The following FOXN3 variants were observed in gnomAD, a reference collection of about 807,000 sequenced individuals.
FOXN3 encodes the protein forkhead box protein N3.
A neutral mutation model predicts 38.4 loss-of-function variants in FOXN3; 7 were observed. The observed-to-expected ratio is 0.18, with a 90% CI of 0.10 to 0.34. FOXN3 has a LOEUF of 0.34. FOXN3 is among the 10% of genes least tolerant of loss of function. The pLI is 1.00. For missense variants in FOXN3, 456 were observed against 613.4 expected (o/e 0.74, Z 2.71); for synonymous variants, 230 against 242.2 (o/e 0.95, Z 0.47).
rs960219022 is a variant in FOXN3, at chr14:89,164,574, T to A, written c.852-1605A>T. Among the ~76,000 whole-genome samples the A allele has an allele frequency of 3.7e-4, 56 of 152,186 alleles. No homozygotes were observed. The highest frequency in any genetic ancestry group is 1.4e-3 in the African/African-American group (56 of 41,448). ...GCTCCATGAGACAGGGTGTGGTTAC[T>A]GCTAGGCCCCCAGTGGCTATCGCCG... On this transcript the variant is annotated intron_variant, in intron 5 of 5. Transcript: ENST00000557258. This position sits in a 1 kb window ranked among gnomAD's most constrained non-coding sequence, Gnocchi z 4.3.
intron 1 of FOXN3, among the ~76,000 whole-genome samples, chr14:89,522,054 C>G (rs1363658543): frequency 1.3e-5 from 2 of 150,508 alleles, no homozygotes; most frequent in African/African-American, 2.4e-5. Context: ...AGAAAACTAA[C>G]AGCAAAGATA....
chr14:89,540,007 G>A (rs1455853230), intron 1 of FOXN3, among the ~76,000 whole-genome samples: 1 of 152,180 alleles, frequency 6.6e-6, no homozygotes, highest in African/African-American at 2.4e-5. Flanking sequence ...GCCCTCGGCT[G>A]TTTCTACTTT....
At chr14:89,556,918 G>A (rs1445222607) in intron 1 of FOXN3, among the ~76,000 whole-genome samples, 1 of 152,168 alleles carries the variant, frequency 6.6e-6, no homozygotes, top group East Asian at 1.9e-4. Flanking sequence ...TATGGATGAT[G>A]GGGGCAAAAA....
intron 4 of FOXN3, among the ~76,000 whole-genome samples, chr14:89,203,201 C>A (rs1888279670): frequency 6.6e-6 from 1 of 152,134 alleles, no homozygotes. Flanking sequence ...CTCCAGGGGG[C>A]TGAAACCCGA....
At chr14:89,533,594 G>A (rs1025858104) in intron 1 of FOXN3, among the ~76,000 whole-genome samples, 4 of 148,826 alleles carry the variant, frequency 2.7e-5, no homozygotes, top group Non-Finnish European at 4.4e-5. Context: ...CCCGGGAGGC[G>A]GAGCTTGCAG....
chr14:89,287,193 G>A (rs948626312), intron 3 of FOXN3, among the ~76,000 whole-genome samples: 3 of 152,044 alleles, frequency 2.0e-5, no homozygotes, highest in African/African-American at 4.8e-5. Flanking sequence ...TTGCTCTGTC[G>A]TTCAGACTGG....
intron 3 of FOXN3, 74 bp from the exon 4 acceptor site, chr14:89,281,088 C>T: frequency 6.1e-6 from 8 of 1,312,004 alleles, no homozygotes; most frequent in South Asian, 1.2e-5. Flanking sequence ...TCCCACACTT[C>T]CCTCAAAACA....
At chr14:89,403,199 T>G (rs1441082540) in intron 2 of FOXN3, among the ~76,000 whole-genome samples, 3 of 152,206 alleles carry the variant, frequency 2.0e-5, no homozygotes, top group Non-Finnish European at 2.9e-5. Context: ...ATTTTTTTTT[T>G]TTAATTTTTT....
chr14:89,386,685 C>T (rs1364055351), intron 2 of FOXN3, among the ~76,000 whole-genome samples: 5 of 152,264 alleles, frequency 3.3e-5, no homozygotes, highest in South Asian at 4.1e-4. Flanking sequence ...CCACAGACTG[C>T]GTGGCTCATA....
intron 1 of FOXN3, among the ~76,000 whole-genome samples, chr14:89,443,144 A>C (rs886479401): frequency 1.3e-5 from 2 of 152,236 alleles, no homozygotes; most frequent in Non-Finnish European, 2.9e-5. Context: ...CTTCCATTTC[A>C]TTCATAAAAC....
At chr14:89,557,566 A>G (rs183159938) in intron 1 of FOXN3, among the ~76,000 whole-genome samples, 7 of 152,268 alleles carry the variant, frequency 4.6e-5, no homozygotes, top group Non-Finnish European at 1.0e-4. Context: ...TCGCCTGGTT[A>G]GCTGTGGACA....
chr14:89,186,977 C>G (rs1298041133), intron 4 of FOXN3, among the ~76,000 whole-genome samples: 2 of 152,184 alleles, frequency 1.3e-5, no homozygotes, highest in African/African-American at 4.8e-5. Flanking sequence ...CTTTGTGCAA[C>G]CTAGTCAGCT....
At chr14:89,383,424 T>A (rs1319333743) in intron 2 of FOXN3, among the ~76,000 whole-genome samples, 2 of 152,156 alleles carry the variant, frequency 1.3e-5, no homozygotes, top group African/African-American at 4.8e-5. Context: ...TAATTGCAGT[T>A]TTTGCCATTA....
chr14:89,614,023 G>A (rs1266240929), intron 1 of FOXN3, among the ~76,000 whole-genome samples: 1 of 152,166 alleles, frequency 6.6e-6, no homozygotes, highest in Non-Finnish European at 1.5e-5. Context: ...GGAAAACTGA[G>A]CCCGATCTCA....
At chr14:89,441,670 A>G (rs1892386222) in intron 1 of FOXN3, among the ~76,000 whole-genome samples, 1 of 152,198 alleles carries the variant, frequency 6.6e-6, no homozygotes, top group Non-Finnish European at 1.5e-5. Context: ...CCCAAGAAAG[A>G]GACAGAAAGA....
intron 4 of FOXN3, among the ~76,000 whole-genome samples, chr14:89,245,892 C>T (rs1885280966): frequency 6.6e-6 from 1 of 152,130 alleles, no homozygotes; most frequent in African/African-American, 2.4e-5. Flanking sequence ...CCCCAACCCG[C>T]AGCCCTGTGA....
At chr14:89,250,097 T>TG (rs1004456521) in intron 4 of FOXN3, among the ~76,000 whole-genome samples, 5 of 152,138 alleles carry the variant, frequency 3.3e-5, no homozygotes, top group African/African-American at 1.2e-4. Flanking sequence ...CTGAACATGA[T>TG]GGAGGTTTTC....
intron 3 of FOXN3, among the ~76,000 whole-genome samples, chr14:89,317,478 T>C (rs1248452781): frequency 1.3e-5 from 2 of 152,144 alleles, no homozygotes; most frequent in African/African-American, 4.8e-5. Context: ...AGACAGTCAT[T>C]GTACTTCTGA....
chr14:89,324,154 C>T (rs945424349), intron 3 of FOXN3, among the ~76,000 whole-genome samples: 10 of 152,108 alleles, frequency 6.6e-5, no homozygotes, highest in African/African-American at 2.4e-4. Flanking sequence ...CCAGCTTTGC[C>T]GAATATCAGT....
Sources: gnomAD v4.1 joint callset for allele counts (sites outside exome capture counted in the v4.1 genomes callset) on GRCh38, gnomAD v4.1.1 for gene constraint, Gnocchi (gnomAD v3.1) non-coding constraint, MANE v1.5 for transcripts, NCBI Gene and HGNC (gene_info 2026-07-23, HGNC 2026-07-21) for gene names.